Variants in SARDH observed in about 807,000 individuals in gnomAD.
SARDH encodes sarcosine dehydrogenase, also known as sarcosine dehydrogenase, mitochondrial.
A neutral mutation model predicts 109.1 loss-of-function variants in SARDH; 95 were observed. That is an observed-to-expected ratio of 0.87 (90% confidence interval 0.74 to 1.03). SARDH has a LOEUF of 1.03. Among genes scored for constraint, SARDH ranks in the 50% least tolerant of loss-of-function variants. The pLI is 0.00. For synonymous variants in SARDH, 572 were observed against 534.8 expected, an observed-to-expected ratio of 1.07 and a Z score of -0.96; for missense variants, 1,267 against 1,287.8, an observed-to-expected ratio of 0.98 and a Z score of 0.25.
Position 133,666,963 on chromosome 9 carries a change from T to G in SARDH, c.2496-93A>C, listed in dbSNP as rs527853657. 5 of 1,527,880 alleles carry G rather than the reference T, an allele frequency of 3.3e-6. No individual in the cohort carries two copies. Among genetic ancestry groups the G allele is most frequent in the Non-Finnish European group, 4.5e-6 (5 of 1,121,866 alleles). 94.6% of individuals were successfully genotyped at this position (1,527,880 alleles called of 1,614,324 possible). A position where few individuals can be genotyped will look rare whatever the true frequency, so the allele number is the denominator to read the frequency against. The stretch of plus-strand genomic sequence containing the variant: ...TGGAGGAGAATGGGGGGCTGCATGA[T>G]GCACACCCAACCGTGGCTCCAGGCA... On this transcript the variant is annotated intron_variant, in intron 19 of 20. Transcript: ENST00000439388. The surrounding 1 kb of genome is among the most constrained non-coding windows in gnomAD (Gnocchi z 5.2).
At chr9:133,696,894 C>G (rs1484558735) in intron 13 of SARDH, among the ~76,000 whole-genome samples, 1 of 152,024 alleles carries the variant, frequency 6.6e-6, no homozygotes. Flanking sequence ...AAATCAATAG[C>G]CCAATCTTCC....
At chr9:133,702,851 G>T in intron 13 of SARDH, 65 bp downstream of exon 13, 1 of 1,476,952 alleles carries the variant, frequency 6.8e-7, no homozygotes, top group Non-Finnish European at 9.3e-7. Context: ...CCGAGGGCCG[G>T]CGCAATGGCT....
At chr9:133,665,706 G>T (rs530622292) in intron 20 of SARDH, among the ~76,000 whole-genome samples, 1 of 152,204 alleles carries the variant, frequency 6.6e-6, no homozygotes. Flanking sequence ...GAGGCCTGGC[G>T]GTGTCCCCTC....
intron 16 of SARDH, among the ~76,000 whole-genome samples, chr9:133,689,847 G>A (rs925317520): frequency 1.3e-5 from 2 of 152,206 alleles, no homozygotes; most frequent in South Asian, 2.1e-4. Flanking sequence ...CTGTGTGCAT[G>A]AGCCAGCAGC....
At chr9:133,677,880 A>G (rs1830572029) in intron 17 of SARDH, among the ~76,000 whole-genome samples, 1 of 152,216 alleles carries the variant, frequency 6.6e-6, no homozygotes, top group Non-Finnish European at 1.5e-5. Flanking sequence ...GGTTGTGATG[A>G]GAGAGGATCC....
intron 18 of SARDH, among the ~76,000 whole-genome samples, chr9:133,671,210 C>T (rs918834829): frequency 6.6e-6 from 1 of 152,138 alleles, no homozygotes; most frequent in African/African-American, 2.4e-5. Flanking sequence ...TCAGAGAAAC[C>T]AAGGCCCTCA....
chr9:133,735,491 T>C (rs571801425), intron 1 of SARDH, among the ~76,000 whole-genome samples: 1 of 152,306 alleles, frequency 6.6e-6, no homozygotes, highest in East Asian at 1.9e-4. Context: ...TCTCCTTGGG[T>C]GCAGGCGAGG....
downstream of SARDH, among the ~76,000 whole-genome samples, chr9:133,661,644 G>A (rs1466356185): frequency 6.6e-6 from 1 of 152,048 alleles, no homozygotes; most frequent in East Asian, 2.0e-4. Flanking sequence ...ACCACGCCCA[G>A]CTAATTTTGT....
At chr9:133,680,853 G>T (rs146456137) in intron 17 of SARDH, among the ~76,000 whole-genome samples, 1 of 152,200 alleles carries the variant, frequency 6.6e-6, no homozygotes, top group Non-Finnish European at 1.5e-5. Flanking sequence ...GAGGGAGAGG[G>T]ACGAGAAGCC....
In SARDH at chr9:133,705,024, A is replaced by G; in HGVS notation, c.1478T>C (p.Leu493Pro). 1.3e-6 allele frequency: 2 copies of G among 1,590,912 alleles called. No homozygotes were observed. The highest frequency in any genetic ancestry group is 2.3e-5 in the East Asian group (1 of 44,096). ...CTCCTGGAACACGCAGCCTTGTCCA[A>G]GGAGTTCCTGAGCAGGAGTGGGGAA... ...MRRDPLHEEL[L>P]GQGCVFQERH... Residue 493 changes from leucine (L) to proline (P), a missense_variant, in exon 12 of 21, where the codon CTT becomes CCT. Transcript: ENST00000439388.
At chr9:133,675,944 T>C (rs1459477715) in intron 17 of SARDH, among the ~76,000 whole-genome samples, 1 of 152,042 alleles carries the variant, frequency 6.6e-6, no homozygotes, top group East Asian at 1.9e-4. Flanking sequence ...AATTTTAGAA[T>C]TAGCTGGGTT....
intron 1 of SARDH, among the ~76,000 whole-genome samples, 193 bp from the exon 2 acceptor site, chr9:133,734,396 C>CTCAT (rs879680573): frequency 0.063 from 7,926 of 126,412 alleles, 430 homozygotes; most frequent in African/African-American, 0.083. Flanking sequence ...CATTCATTCA[C>CTCAT]TCATTCATTC....
chr9:133,708,869 T>C (rs916870567), intron 10 of SARDH, among the ~76,000 whole-genome samples: 3 of 152,026 alleles, frequency 2.0e-5, no homozygotes, highest in Non-Finnish European at 4.4e-5. Flanking sequence ...AAGTTTAGCC[T>C]GGTGATGCGT....
chr9:133,662,950 T>C (rs1588359997), downstream of SARDH, among the ~76,000 whole-genome samples: 1 of 152,020 alleles, frequency 6.6e-6, no homozygotes, highest in East Asian at 1.9e-4. The surrounding 1 kb of genome is among the most constrained non-coding windows in gnomAD (Gnocchi z 5.1). Flanking sequence ...ACACAGGCAG[T>C]TATCAGGGGG....
chr9:133,690,446 T>G lies in SARDH; in HGVS notation c.2003A>C (p.Lys668Thr), dbSNP rs1412299082. 1 of 1,613,202 alleles carries G rather than the reference T, an allele frequency of 6.2e-7. No homozygotes were observed. Among genetic ancestry groups the G allele is most frequent in the East Asian group, 2.2e-5 (1 of 44,870 alleles). Residue 668 changes from lysine to threonine, a missense_variant, in exon 16 of 21, where the codon AAG (lysine) becomes ACG (threonine). By Grantham distance (78) the Lys-to-Thr change is moderately conservative (BLOSUM62 -1). Transcript: ENST00000439388. ...GCTGTCGATGAGCTGGCACTGGGAC[T>G]TCTGGTCCTGCAGCACGGTGGTGAT... ...SHITTVLQDQ[K>T]SQCQLIDSSE...
At chr9:133,677,344 C>T (rs986072586) in intron 17 of SARDH, among the ~76,000 whole-genome samples, 14 of 152,166 alleles carry the variant, frequency 9.2e-5, no homozygotes, top group South Asian at 2.1e-4. Context: ...TTATTACGCA[C>T]GATTCTTGTT....
intron 13 of SARDH, among the ~76,000 whole-genome samples, chr9:133,697,935 C>A (rs1239578562): frequency 7.9e-6 from 1 of 125,968 alleles, no homozygotes; most frequent in Non-Finnish European, 1.7e-5. Flanking sequence ...GCATCCAGAT[C>A]AGAAAAGAAG....
chr9:133,668,413 TCTCCCTCTCCCTTCACC>T (rs1289844251), intron 19 of SARDH, among the ~76,000 whole-genome samples: 1 of 29,354 alleles, frequency 3.4e-5, no homozygotes, highest in South Asian at 1.9e-3. Context: ...TCACCCTCCC[TCTCCCTCTCCCTTCACC>T]CTCCCTCTCC....
At chr9:133,725,390 C>T (rs747678652) in intron 6 of SARDH, 22 of 274,310 alleles carry the variant, frequency 8.0e-5, no homozygotes, top group Middle Eastern at 1.3e-3. Context: ...TTTACATAAT[C>T]AGCTAAGCAT....
Sources: allele counts gnomAD v4.1 joint callset (sites outside exome capture counted in the v4.1 genomes callset), GRCh38; gene constraint gnomAD v4.1.1; non-coding constraint Gnocchi (gnomAD v3.1); transcripts MANE v1.5; gene names NCBI Gene and HGNC (gene_info 2026-07-23, HGNC 2026-07-21).